The following MS4A10 variants were observed in gnomAD, a reference collection of about 807,000 sequenced individuals.
MS4A10 encodes membrane spanning 4-domains A10.
Under a neutral mutation model 27.7 loss-of-function variants are expected in MS4A10, and 27 were observed. The ratio of observed to expected loss-of-function variants is 0.98; its 90% CI spans 0.72 to 1.35. The LOEUF (loss-of-function observed/expected upper bound fraction) is 1.35. Ranked by LOEUF, MS4A10 falls within the 40% of genes most tolerant of loss-of-function variation. The pLI, the probability that MS4A10 is intolerant of heterozygous loss-of-function variation, is 0.00. For missense variants in MS4A10, 338 were observed against 324.7 expected (o/e 1.04, Z -0.32); for synonymous variants, 139 against 131.2 (o/e 1.06, Z -0.41).
chr11:60,800,324 TA>T lies in MS4A10; in HGVS notation c.*416del, dbSNP rs1323576616. The stretch of plus-strand genomic sequence containing the variant: ...CGCCACCACGCCCAGCTAATTTTTA[TA>T]TTTTTAGTAGAGACAGGATTGCACC... On this transcript the variant is annotated 3_prime_UTR_variant, in exon 8 of 8. Coordinates refer to ENST00000308287, the MANE Select transcript of MS4A10 (RefSeq NM_206893.4). 1 of 174,080 alleles carries T rather than the reference TA, an allele frequency of 5.7e-6. No individual in the cohort carries two copies. The highest frequency in any genetic ancestry group is 1.2e-5 in the Non-Finnish European group (1 of 81,534). The allele number at this position is 174,080 out of a possible 1,614,324, so 10.8% of individuals were successfully genotyped here.
At chr11:60,798,578 C>T in intron 7 of MS4A10, 64 bp downstream of exon 7, 1 of 1,279,334 alleles carries the variant, frequency 7.8e-7, no homozygotes, top group Non-Finnish European at 1.1e-6. Context: ...TTCTCCCTGG[C>T]ATAGATAGAA....
intron 1 of MS4A10, among the ~76,000 whole-genome samples, chr11:60,788,005 G>A (rs545648280): frequency 3.2e-4 from 48 of 151,570 alleles, no homozygotes; most frequent in African/African-American, 6.6e-4. Context: ...TGACAAGAGC[G>A]AAACTCCGTC....
intron 2 of MS4A10, 115 bp from the exon 3 acceptor site, chr11:60,790,859 A>T: frequency 7.1e-7 from 1 of 1,411,588 alleles, no homozygotes; most frequent in Non-Finnish European, 9.6e-7. Flanking sequence ...GGTCTCTGGG[A>T]TCCCTAAGAG....
intron 1 of MS4A10, among the ~76,000 whole-genome samples, chr11:60,789,019 G>T (rs925447628): frequency 4.3e-4 from 66 of 152,186 alleles, no homozygotes; most frequent in African/African-American, 1.3e-3. Context: ...GCCCCATCTG[G>T]CTCTTTGGCT....
Position 60,794,227 on chromosome 11 carries a change from T to G in MS4A10, c.492+124T>G. The G allele has an allele frequency of 2.7e-6, 3 of 1,112,362 alleles. No individual in the cohort carries two copies. The South Asian group carries it at 4.5e-5, about 17-fold the overall frequency. 68.9% of individuals were successfully genotyped at this position (1,112,362 alleles called of 1,614,324 possible). On this transcript the variant is annotated intron_variant, in intron 5 of 7. Coordinates refer to ENST00000308287, the MANE Select transcript of MS4A10 (RefSeq NM_206893.4). ...AGCCCAGGTGTGGGCTGCTGGGCCC[T>G]TTGCCAACCTGTTTCTGTCCCCTAC...
Position 60,799,526 on chromosome 11 carries a change from TCCC to T in MS4A10, c.723-300_723-298del, listed in dbSNP as rs1288267099. 2.4e-4 allele frequency among the ~76,000 whole-genome samples: 37 copies of T among 152,198 alleles called. No homozygotes were observed. The East Asian group carries it at 6.8e-3, about 28-fold the overall frequency. On this transcript the variant is annotated intron_variant, in intron 7 of 7. Coordinates refer to ENST00000308287, the MANE Select transcript of MS4A10 (RefSeq NM_206893.4). Reference sequence around the variant, plus strand: ...AAACATGTGAAATAAAACGCAATTTTCCCCTCCAACCCCGTGGTCTCACCCACT... The same window carrying T: ...AAACATGTGAAATAAAACGCAATTTTCTCCAACCCCGTGGTCTCACCCACT...
intron 6 of MS4A10, among the ~76,000 whole-genome samples, chr11:60,796,351 C>G (rs1459885481): frequency 6.6e-6 from 1 of 152,130 alleles, no homozygotes; most frequent in African/African-American, 2.4e-5. Context: ...GGCACGATCT[C>G]GGCCCACTGC....
chr11:60,798,399 G>C lies in MS4A10; in HGVS notation c.607G>C (p.Asp203His), dbSNP rs1413204006. Residue 203 changes from aspartate (D) to histidine (H), a missense_variant, in exon 7 of 8, where the codon GAT becomes CAT. Coordinates refer to ENST00000308287, the MANE Select transcript of MS4A10 (RefSeq NM_206893.4). ...GGCGGCGACTTTTCTTTCGCAGAAT[G>C]ATGATGCATGCCTTGTTCCGAATAC... ...WRGDCPSAKN[D>H]DACLVPNTPL... 1 of 1,612,984 alleles carries C rather than the reference G, an allele frequency of 6.2e-7. No individual in the cohort carries two copies. The highest frequency in any genetic ancestry group is 8.5e-7 in the Non-Finnish European group (1 of 1,179,272).
At chr11:60,793,888 G>T in intron 4 of MS4A10, 84 bp from the exon 5 acceptor site, 2 of 1,486,354 alleles carry the variant, frequency 1.3e-6, no homozygotes, top group Non-Finnish European at 1.8e-6. Flanking sequence ...GGCTACAGAG[G>T]AAGCTACTGG....
chr11:60,795,630 G>A lies in MS4A10; in HGVS notation c.568G>A (p.Val190Ile). 6.3e-7 allele frequency: 1 copy of A among 1,594,154 alleles called. No homozygotes were observed. Among genetic ancestry groups the A allele is most frequent in the Non-Finnish European group, 8.5e-7 (1 of 1,170,154 alleles). Reference protein sequence around the residue: ...LELFLPVPTAVTAWRGDCPSA... With the variant: ...LELFLPVPTAITAWRGDCPSA... The stretch of plus-strand genomic sequence containing the variant: ...GCTCTTCCTGCCAGTGCCCACAGCT[G>A]TCACAGCCTGGAGAGGGGACTGCCC... Residue 190 changes from valine to isoleucine, a missense_variant, in exon 6 of 8, where the codon GTC becomes ATC. Coordinates refer to ENST00000308287, the MANE Select transcript of MS4A10 (RefSeq NM_206893.4).
intron 4 of MS4A10, among the ~76,000 whole-genome samples, chr11:60,793,418 A>G (rs1034671648): frequency 6.6e-6 from 1 of 152,194 alleles, no homozygotes; most frequent in Non-Finnish European, 1.5e-5. Flanking sequence ...CACTAGGAGG[A>G]TTTGCACTTG....
intron 1 of MS4A10, 37 bp from the exon 2 acceptor site, chr11:60,790,277 G>A: frequency 6.4e-7 from 1 of 1,563,406 alleles, no homozygotes; most frequent in South Asian, 1.1e-5. Context: ...CCTCAGAAAT[G>A]AGACGGGTTC....
At chr11:60,788,023 TAGAAATAA>T (rs1371916546) in intron 1 of MS4A10, among the ~76,000 whole-genome samples, 2 of 145,972 alleles carry the variant, frequency 1.4e-5, no homozygotes, top group African/African-American at 2.7e-5. Context: ...GTCTCAAAAA[TAGAAATAA>T]ATAAATAAAT....
At chr11:60,797,425 G>A (rs1287186880) in intron 6 of MS4A10, among the ~76,000 whole-genome samples, 4 of 152,170 alleles carry the variant, frequency 2.6e-5, no homozygotes, top group African/African-American at 7.2e-5. Context: ...AAATCAAGGT[G>A]TGTCGCCAGG....
chr11:60,793,835 C>A, intron 4 of MS4A10, 137 bp from the exon 5 acceptor site: 1 of 943,154 alleles, frequency 1.1e-6, no homozygotes, highest in Non-Finnish European at 1.6e-6. Flanking sequence ...CAGTGACAGG[C>A]AGAGGGGGCC....
intron 4 of MS4A10, 28 bp downstream of exon 4, chr11:60,792,349 T>G: frequency 6.6e-7 from 1 of 1,511,900 alleles, no homozygotes; most frequent in Non-Finnish European, 9.2e-7. Context: ...GATCATTCTC[T>G]TCCATCTGAG....
chr11:60,790,204 C>G, intron 1 of MS4A10, 110 bp from the exon 2 acceptor site: 1 of 906,290 alleles, frequency 1.1e-6, no homozygotes, highest in Non-Finnish European at 1.7e-6. Context: ...AGGGCAACCA[C>G]AGTTCTGGAA....
intron 6 of MS4A10, among the ~76,000 whole-genome samples, chr11:60,798,134 C>T (rs1360600548): frequency 1.3e-5 from 2 of 152,252 alleles, no homozygotes; most frequent in Non-Finnish European, 2.9e-5. Flanking sequence ...CACCTGGTCA[C>T]CAGGACACTG....
chr11:60,797,650 C>T (rs540200933), intron 6 of MS4A10, among the ~76,000 whole-genome samples: 1 of 152,294 alleles, frequency 6.6e-6, no homozygotes, highest in East Asian at 1.9e-4. Flanking sequence ...CTCCCAATCT[C>T]AAAGCTGATT....
Sources: gnomAD v4.1 joint callset for allele counts (sites outside exome capture counted in the v4.1 genomes callset) on GRCh38, gnomAD v4.1.1 for gene constraint, MANE v1.5 for transcripts, NCBI Gene and HGNC (gene_info 2026-07-23, HGNC 2026-07-21) for gene names.